CNN2: variants seen among roughly 807,000 people sequenced by gnomAD.
The protein encoded by CNN2 is calponin 2.
CNN2 carries 21 observed loss-of-function variants against 31.0 expected under a neutral mutation model. That is an observed-to-expected ratio of 0.68 (90% CI 0.48 to 0.98). The LOEUF is 0.98. CNN2 is among the 50% of genes least tolerant of loss of function. The probability of loss-of-function intolerance (pLI) is 0.00; values close to 1 mark genes in which losing one functional copy is unlikely to be tolerated. For missense variants in CNN2, 399 were observed against 427.3 expected, an observed-to-expected ratio of 0.93 and a Z score of 0.58; for synonymous variants, 165 against 179.6, an observed-to-expected ratio of 0.92 and a Z score of 0.65.
At chr19:1,029,720 A>T (rs1386928261) in intron 1 of CNN2, among the ~76,000 whole-genome samples, 5 of 127,712 alleles carry the variant, frequency 3.9e-5, no homozygotes, top group African/African-American at 1.8e-4. Flanking sequence ...TTTTTTTTTT[A>T]AGACAGAGGC....
At chr19:1,035,493 G>A (rs2039566698) in intron 4 of CNN2, among the ~76,000 whole-genome samples, 1 of 152,256 alleles carries the variant, frequency 6.6e-6, no homozygotes, top group Non-Finnish European at 1.5e-5. Flanking sequence ...GCCTGGCCAT[G>A]GTGCCCGGGG....
intron 4 of CNN2, 41 bp from the exon 5 acceptor site, chr19:1,036,089 C>G: frequency 6.4e-7 from 1 of 1,553,106 alleles, no homozygotes; most frequent in Non-Finnish European, 8.7e-7. Flanking sequence ...GGGTCCCTGG[C>G]TGCCCTCTGC....
At chr19:1,028,971 C>A (rs1056252540) in intron 1 of CNN2, among the ~76,000 whole-genome samples, 1 of 152,200 alleles carries the variant, frequency 6.6e-6, no homozygotes, top group Admixed American at 6.5e-5. Flanking sequence ...GGTGCCAGGT[C>A]AGGGGACCCT....
At chr19:1,032,129 C>G (rs573071050) in intron 2 of CNN2, among the ~76,000 whole-genome samples, 5 of 150,670 alleles carry the variant, frequency 3.3e-5, no homozygotes, top group Admixed American at 6.6e-5. Context: ...TCGGGAGGCT[C>G]AGGGCTGAGG....
chr19:1,037,783 C>T lies in CNN2; in HGVS notation c.813C>T (p.Pro271=), dbSNP rs1306501720. The change falls in exon 7 of 7, where the codon CCC becomes CCT. Residue 271 remains proline, a synonymous_variant. Transcript: ENST00000263097. ...GCCTGGGCCGGCAGATATATGACCCCAAGTACTGCCCGCAAGGCACAGTGG... is the reference window on the plus strand; with the variant it reads ...GCCTGGGCCGGCAGATATATGACCCTAAGTACTGCCCGCAAGGCACAGTGG... The part of the protein sequence containing the change: ...VFGLGRQIYD[P]KYCPQGTVAD... The T allele has an allele frequency of 1.5e-5, 24 of 1,611,472 alleles. No homozygotes were observed. Among genetic ancestry groups the T allele is most frequent in the Non-Finnish European group, 1.5e-5 (18 of 1,180,010 alleles).
rs930231 is a variant in CNN2, at chr19:1,036,445, G to C, written c.537G>C (p.Ser179=). The part of the protein sequence containing the change: ...QMGTNKCASQ[S]GMTAYGTRRH... ...GCACCAACAAATGCGCCAGCCAGTCGGGCATGACTGCCTACGGCACGAGAA... is the reference window on the plus strand; with the variant it reads ...GCACCAACAAATGCGCCAGCCAGTCCGGCATGACTGCCTACGGCACGAGAA... Residue 179 remains serine (S), a synonymous_variant, in exon 6 of 7, where the codon TCG becomes TCC. Coordinates refer to ENST00000263097, the MANE Select transcript of CNN2 (RefSeq NM_004368.4). 6.2e-7 allele frequency: 1 copy of C among 1,612,716 alleles called. No homozygotes were observed. Among genetic ancestry groups the C allele is most frequent in the Non-Finnish European group, 8.5e-7 (1 of 1,179,464 alleles).
chr19:1,036,340 T>G, intron 5 of CNN2, 76 bp from the exon 6 acceptor site: 1 of 1,584,190 alleles, frequency 6.3e-7, no homozygotes, highest in South Asian at 1.2e-5. Flanking sequence ...CATGGAGCCC[T>G]GTGGTCCCTC....
At position 1,031,174 on chromosome 19, in the gene CNN2, A is replaced by G. The variant is rs757603074; in HGVS notation, c.167A>G (p.Asp56Gly). Residue 56 changes from aspartate (D) to glycine (G), a missense_variant, in exon 2 of 7, where the codon GAT (aspartate) becomes GGT (glycine). Asp to Gly is a moderately conservative substitution (Grantham distance 94). Transcript: ENST00000263097. ...IGPDFQKGLKDGTILCTLMNK... is the reference protein window; with the variant it reads ...IGPDFQKGLKGGTILCTLMNK... ...CCCGACTTCCAGAAGGGCCTGAAGG[A>G]TGGAACTATCTTATGCACGTGAGTA... The G allele has an allele frequency of 1.1e-5, 17 of 1,612,914 alleles. No individual in the cohort carries two copies. Among genetic ancestry groups the G allele is most frequent in the Non-Finnish European group, 1.4e-5 (17 of 1,179,614 alleles).
Position 1,037,740 on chromosome 19 carries a change from A to C in CNN2, c.770A>C (p.Gln257Pro), listed in dbSNP as rs964745111. The C allele has an allele frequency of 1.2e-6, 2 of 1,611,594 alleles. No individual in the cohort carries two copies. The highest frequency in any genetic ancestry group is 1.7e-6 in the Non-Finnish European group (2 of 1,180,040). The change falls in exon 7 of 7, where the codon CAG (glutamine) becomes CCG (proline). Residue 257 changes from glutamine (Q) to proline (P), a missense_variant. Gln to Pro is a moderately conservative substitution (Grantham distance 76). Coordinates refer to ENST00000263097, the MANE Select transcript of CNN2 (RefSeq NM_004368.4). The stretch of plus-strand genomic sequence containing the variant: ...ATGGGCTACACGCAGGGCGCCAACC[A>C]GAGCGGCCAGGTCTTCGGCCTGGGC... ...LQMGYTQGAN[Q>P]SGQVFGLGRQ...
chr19:1,026,701 C>T lies in CNN2; in HGVS notation c.40C>T (p.Leu14=). The T allele has an allele frequency of 6.4e-7, 1 of 1,550,612 alleles. No individual in the cohort carries two copies. The highest frequency in any genetic ancestry group is 2.5e-5 in the East Asian group (1 of 40,756). The change falls in exon 1 of 7, where the codon CTG becomes TTG. Residue 14 remains leucine, a synonymous_variant. Transcript: ENST00000263097. The part of the protein sequence containing the change: ...TQFNKGPSYG[L]SAEVKNRLLS... ...GTTCAACAAGGGCCCCTCGTACGGGCTGTCGGCCGAGGTCAAGAACCGGGT... is the reference window on the plus strand; with the variant it reads ...GTTCAACAAGGGCCCCTCGTACGGGTTGTCGGCCGAGGTCAAGAACCGGGT...
At position 1,036,159 on chromosome 19, in the gene CNN2, G is replaced by A. The variant is rs572384906; in HGVS notation, c.420G>A (p.Val140=). Residue 140 remains valine (V), a synonymous_variant, in exon 5 of 7, where the codon GTG becomes GTA. Coordinates refer to ENST00000263097, the MANE Select transcript of CNN2 (RefSeq NM_004368.4). Reference sequence around the variant, plus strand: ...AGACTAAGGGGCTGCAGAGCGGGGTGGACATTGGCGTCAAGTACTCGGAGA... The same window carrying A: ...AGACTAAGGGGCTGCAGAGCGGGGTAGACATTGGCGTCAAGTACTCGGAGA... ...KAKTKGLQSG[V]DIGVKYSEKQ... is the part of the protein sequence containing the mutation. 45 of 1,612,612 alleles carry A rather than the reference G, an allele frequency of 2.8e-5. No homozygotes were observed. The East Asian group carries it at 6.2e-4, about 22-fold the overall frequency.
At chr19:1,030,989 C>G (rs2039480130) in intron 1 of CNN2, 82 bp from the exon 2 acceptor site, 1 of 1,504,986 alleles carries the variant, frequency 6.6e-7, no homozygotes, top group South Asian at 1.3e-5. Flanking sequence ...AGTCCCCGGC[C>G]CCACCCTCTG....
chr19:1,030,292 G>A (rs1189363222), intron 1 of CNN2, among the ~76,000 whole-genome samples: 1 of 152,178 alleles, frequency 6.6e-6, no homozygotes, highest in Non-Finnish European at 1.5e-5. Context: ...CGTGACTAGA[G>A]GCGGTCAGCC....
Position 1,032,452 on chromosome 19 carries a change from G to A in CNN2, c.246G>A (p.Trp82Ter). The A allele has an allele frequency of 2.5e-6, 4 of 1,613,730 alleles. No individual in the cohort carries two copies. The highest frequency in any genetic ancestry group is 2.5e-6 in the Non-Finnish European group (3 of 1,180,012). The change falls in exon 3 of 7, where the codon TGG becomes TGA. Residue 82 changes from tryptophan to a stop codon, truncating the protein, a stop_gained. Coordinates refer to ENST00000263097, the MANE Select transcript of CNN2 (RefSeq NM_004368.4). LOFTEE classifies it high-confidence loss of function. ...VPKINRSMQNWHQLENLSNFI... is the reference protein window; with the variant it reads ...VPKINRSMQN Reference sequence around the variant, plus strand: ...AGATCAACCGCTCCATGCAGAACTGGCACCAGGTGAGGGGCTGGTGGAGCG... The same window carrying A: ...AGATCAACCGCTCCATGCAGAACTGACACCAGGTGAGGGGCTGGTGGAGCG...
intron 1 of CNN2, among the ~76,000 whole-genome samples, chr19:1,029,000 C>A (rs1045798812): frequency 1.3e-5 from 2 of 152,014 alleles, no homozygotes; most frequent in African/African-American, 4.8e-5. Flanking sequence ...TAATCCCAGG[C>A]AGGTCCAGGT....
rs1319640829 is a variant in CNN2 at position 1,038,126 on chromosome 19, C to T, written c.*226C>T. ...TGGGGGAAGGGGTCAAGGCCATATC[C>T]CAATACGTGTAGGGCGAGGGTCCCT... is the stretch of plus-strand genomic sequence containing the variant. On this transcript the variant is annotated 3_prime_UTR_variant, in exon 7 of 7. Transcript: ENST00000263097. The T allele has an allele frequency of 2.0e-6, 1 of 506,030 alleles. No homozygotes were observed. The highest frequency in any genetic ancestry group is 1.9e-5 in the African/African-American group (1 of 51,782). 31.3% of individuals were successfully genotyped at this position (506,030 alleles called of 1,614,324 possible).
At chr19:1,028,723 C>T (rs1034460463) in intron 1 of CNN2, among the ~76,000 whole-genome samples, 7 of 147,100 alleles carry the variant, frequency 4.8e-5, no homozygotes, top group Non-Finnish European at 1.0e-4. Context: ...TGGGGGAGGA[C>T]GGCAGCGGCT....
intron 6 of CNN2, chr19:1,036,814 A>C: frequency 1.7e-6 from 1 of 597,948 alleles, no homozygotes. Flanking sequence ...GGACTGCCCA[A>C]AGGTCCACCC....
intron 2 of CNN2, among the ~76,000 whole-genome samples, chr19:1,031,672 T>C (rs2039500851): frequency 6.9e-6 from 1 of 144,072 alleles, no homozygotes; most frequent in Non-Finnish European, 1.5e-5. Context: ...TGGAGTGCAG[T>C]GGCATGATCT....
Sources: gnomAD v4.1 joint callset for allele counts (sites outside exome capture counted in the v4.1 genomes callset) on GRCh38, gnomAD v4.1.1 for gene constraint, MANE v1.5 for transcripts, NCBI Gene and HGNC (gene_info 2026-07-23, HGNC 2026-07-21) for gene names.